PLCG2: variants seen among roughly 807,000 people sequenced by gnomAD.
The protein encoded by PLCG2 is 1-phosphatidylinositol 4,5-bisphosphate phosphodiesterase gamma-2.
PLCG2 carries 69 observed loss-of-function variants against 175.6 expected under a neutral mutation model. That is an observed-to-expected ratio of 0.39 (90% CI 0.32 to 0.48). PLCG2 has a LOEUF of 0.48. PLCG2 is among the 20% of genes least tolerant of loss of function. The pLI is 0.91. For synonymous variants in PLCG2, 827 were observed against 624.0 expected, an observed-to-expected ratio of 1.33 and a Z score of -4.85; for missense variants, 1,798 against 1,650.9, an observed-to-expected ratio of 1.09 and a Z score of -1.54.
At chr16:81,782,741 A>C (rs1448464987) in intron 1 of PLCG2, among the ~76,000 whole-genome samples, 1 of 152,270 alleles carries the variant, frequency 6.6e-6, no homozygotes, top group Non-Finnish European at 1.5e-5. Context: ...GATTTCATCC[A>C]AAATCCCACA....
intron 30 of PLCG2, among the ~76,000 whole-genome samples, chr16:81,945,679 G>A (rs888863696): frequency 6.6e-6 from 1 of 152,198 alleles, no homozygotes; most frequent in Non-Finnish European, 1.5e-5. Context: ...AGAGGGAATG[G>A]CTTTAGGAGG....
intron 3 of PLCG2, among the ~76,000 whole-genome samples, chr16:81,856,095 G>C (rs1244397543): frequency 2.0e-5 from 3 of 152,132 alleles, no homozygotes; most frequent in Non-Finnish European, 2.9e-5. Flanking sequence ...TAAATTCAAG[G>C]TCAGCACAGT....
chr16:81,857,029 C>T (rs79737853), intron 3 of PLCG2, among the ~76,000 whole-genome samples: 12,327 of 152,218 alleles, frequency 0.081, 556 homozygotes, highest in Non-Finnish European at 0.1. Flanking sequence ...CTCATGCAAC[C>T]AGTCTATTTT....
chr16:81,818,232 A>G (rs772519698), intron 2 of PLCG2, among the ~76,000 whole-genome samples: 2 of 152,196 alleles, frequency 1.3e-5, no homozygotes, highest in Non-Finnish European at 2.9e-5. Flanking sequence ...TGCCTGATCA[A>G]GTCTGTGGCT....
intron 7 of PLCG2, 138 bp from the exon 8 acceptor site, chr16:81,880,772 A>G (rs1567513602): frequency 1.4e-6 from 1 of 740,520 alleles, no homozygotes; most frequent in South Asian, 1.8e-5. Context: ...ATTTACAACT[A>G]ACATCAACTA....
Position 81,893,733 on chromosome 16 carries a change from G to A in PLCG2, c.1011G>A (p.Arg337=). 1 of 1,612,330 alleles carries A rather than the reference G, an allele frequency of 6.2e-7. No homozygotes were observed. The highest frequency in any genetic ancestry group is 8.5e-7 in the Non-Finnish European group (1 of 1,179,400). ...HNTYLTGDQL[R]SESSPEAYIR... ...GGTACCTTACAGGTGACCAGCTGCG[G>A]AGCGAGTCGTCCCCAGAAGCTTACA... is the stretch of plus-strand genomic sequence containing the variant. The change falls in exon 12 of 33, where the codon CGG becomes CGA. Residue 337 remains arginine, a synonymous_variant. Coordinates refer to ENST00000564138, the MANE Select transcript of PLCG2 (RefSeq NM_002661.5).
intron 14 of PLCG2, 50 bp downstream of exon 14, chr16:81,900,830 G>A (rs776123595): frequency 2.5e-5 from 38 of 1,540,954 alleles, no homozygotes; most frequent in East Asian, 9.2e-5. Flanking sequence ...CCAGTGGCTC[G>A]GTTCCCCGGC....
chr16:81,913,628 T>A (rs1053848706), intron 19 of PLCG2, among the ~76,000 whole-genome samples: 4 of 152,102 alleles, frequency 2.6e-5, no homozygotes, highest in African/African-American at 9.7e-5. Flanking sequence ...ACTGAGAAAT[T>A]TCACTGAAAA....
intron 2 of PLCG2, among the ~76,000 whole-genome samples, chr16:81,808,682 A>T (rs1904293283): frequency 6.6e-6 from 1 of 151,802 alleles, no homozygotes; most frequent in Admixed American, 6.6e-5. Flanking sequence ...TTTAGTAGAG[A>T]TGGGGTTTCA....
intron 2 of PLCG2, among the ~76,000 whole-genome samples, chr16:81,771,205 C>T (rs1312666363): frequency 6.6e-6 from 1 of 152,174 alleles, no homozygotes; most frequent in Non-Finnish European, 1.5e-5. Context: ...CTGCTGCCTC[C>T]AAGGCAGTGA....
intron 1 of PLCG2, among the ~76,000 whole-genome samples, chr16:81,780,391 G>A (rs1910675944): frequency 6.6e-6 from 1 of 152,190 alleles, no homozygotes; most frequent in South Asian, 2.1e-4. Context: ...GAGTCCTTGG[G>A]CAGTTCCTGA....
intron 5 of PLCG2, among the ~76,000 whole-genome samples, chr16:81,862,158 A>G (rs577530834): frequency 2.6e-4 from 39 of 152,342 alleles, no homozygotes; most frequent in African/African-American, 9.1e-4. Flanking sequence ...CACGAGACGA[A>G]TCGTGTTTCC....
rs890858218 is a variant in PLCG2, at chr16:81,842,316, A to C, written c.194-12128A>C. ...GGAGCCCCAGTGTGGACTCTGTTGC[A>C]CTCCTGATGTGGATGGAGATGTGGA... is the stretch of plus-strand genomic sequence containing the variant. On this transcript the variant is annotated intron_variant, in intron 2 of 32. Transcript: ENST00000564138. 3.3e-5 allele frequency among the ~76,000 whole-genome samples: 5 copies of C among 151,718 alleles called. No homozygotes were observed. The South Asian group carries it at 6.2e-4, about 19-fold the overall frequency.
intron 2 of PLCG2, among the ~76,000 whole-genome samples, chr16:81,822,108 A>T (rs8047417): frequency 0.69 from 105,102 of 152,062 alleles, 36,614 homozygotes; most frequent in East Asian, 0.91. Flanking sequence ...TCCTTTTTCA[A>T]TTTTATCCTC....
intron 2 of PLCG2, among the ~76,000 whole-genome samples, chr16:81,816,177 C>T (rs1375487246): frequency 2.6e-5 from 4 of 152,090 alleles, no homozygotes; most frequent in Admixed American, 2.6e-4. Flanking sequence ...TCGAGACCAG[C>T]CTGGCCAATA....
intron 2 of PLCG2, among the ~76,000 whole-genome samples, chr16:81,853,565 C>T (rs1162086252): frequency 1.3e-5 from 2 of 152,178 alleles, no homozygotes; most frequent in Non-Finnish European, 2.9e-5. Context: ...GGATCCCTCG[C>T]ATGCGTAGTT....
Position 81,961,595 on chromosome 16 carries a change from AT to A in PLCG2, c.*3599del, listed in dbSNP as rs1356250397. The stretch of plus-strand genomic sequence containing the variant: ...AGGGAGAAGTGGTATGAAAATACAA[AT>A]TCAAGGAGTAAAAGGAAAAGTGGGG... On this transcript the variant is annotated 3_prime_UTR_variant, in exon 33 of 33. Transcript: ENST00000564138. 12 of 215,874 alleles carry A rather than the reference AT, an allele frequency of 5.6e-5. No individual in the cohort carries two copies. The highest frequency in any genetic ancestry group is 2.7e-4 in the African/African-American group (12 of 44,400). The allele number at this position is 215,874 out of a possible 1,614,324, so 13.4% of individuals were successfully genotyped here.
intron 2 of PLCG2, among the ~76,000 whole-genome samples, chr16:81,846,850 T>TCCTCTTC (rs1906146546): frequency 1.3e-5 from 2 of 152,208 alleles, no homozygotes; most frequent in Admixed American, 1.3e-4. Flanking sequence ...TCTTTCTCTT[T>TCCTCTTC]CCTCTTCCCT....
rs148215775 is a variant in PLCG2 at position 81,882,738 on chromosome 16, C to A, written c.693-531C>A. Reference sequence around the variant, plus strand: ...CTCTGCACCTCCTTCTTGCTCACCCCACCTCATTCTTGCTCACCCCACCTC... The same window carrying A: ...CTCTGCACCTCCTTCTTGCTCACCCAACCTCATTCTTGCTCACCCCACCTC... On this transcript the variant is annotated intron_variant, in intron 8 of 32. Coordinates refer to ENST00000564138, the MANE Select transcript of PLCG2 (RefSeq NM_002661.5). Among the ~76,000 whole-genome samples the A allele has an allele frequency of 2.2e-3, 329 of 151,976 alleles. 3 individuals are homozygous for A. The highest frequency in any genetic ancestry group is 7.7e-3 in the African/African-American group (319 of 41,446).
Sources: allele counts gnomAD v4.1 joint callset (sites outside exome capture counted in the v4.1 genomes callset), GRCh38; gene constraint gnomAD v4.1.1; transcripts MANE v1.5; gene names NCBI Gene and HGNC (gene_info 2026-07-23, HGNC 2026-07-21).